The following SNAP25 variants were observed in gnomAD, a reference collection of about 807,000 sequenced individuals.
The protein encoded by SNAP25 is synaptosomal-associated protein 25.
In SNAP25, 3 loss-of-function variants were observed where a neutral mutation model predicts 28.7. That is an observed-to-expected ratio of 0.10 (90% confidence interval 0.05 to 0.27). The LOEUF (loss-of-function observed/expected upper bound fraction) is 0.27. SNAP25 is among the 10% of genes least tolerant of loss of function. The probability of loss-of-function intolerance (pLI) is 1.00; values close to 1 mark genes in which losing one functional copy is unlikely to be tolerated. For synonymous variants in SNAP25, 61 were observed against 88.1 expected (o/e 0.69, Z 1.72); for missense variants, 117 against 278.7 (o/e 0.42, Z 4.13).
At chr20:10,236,368 A>G (rs1394166035) in intron 1 of SNAP25, among the ~76,000 whole-genome samples, 3 of 152,242 alleles carry the variant, frequency 2.0e-5, no homozygotes, top group African/African-American at 4.8e-5. Context: ...ATTGAGGATA[A>G]GTAAACTTTT....
intron 1 of SNAP25, among the ~76,000 whole-genome samples, chr20:10,240,674 C>T (rs773923918): frequency 3.9e-4 from 60 of 152,164 alleles, no homozygotes; most frequent in Non-Finnish European, 6.8e-4. Flanking sequence ...GCCTTCCAAA[C>T]GAACATTTCT....
intron 1 of SNAP25, among the ~76,000 whole-genome samples, chr20:10,245,099 C>T (rs2063103904): frequency 6.6e-6 from 1 of 152,110 alleles, no homozygotes; most frequent in African/African-American, 2.4e-5. Context: ...GAAAAGAGAG[C>T]TGAGGTGTTT....
Position 10,231,021 on chromosome 20 carries a change from C to A in SNAP25, c.-64+12044C>A, listed in dbSNP as rs1176837630. Among the ~76,000 whole-genome samples, 2 of 152,096 alleles carry A rather than the reference C, an allele frequency of 1.3e-5. 1 individual carries two copies. Among genetic ancestry groups the A allele is most frequent in the Non-Finnish European group, 2.9e-5 (2 of 68,018 alleles). The stretch of plus-strand genomic sequence containing the variant: ...ATCTCATCAAATAATAGGACATCTC[C>A]TTTCCTCTTTCTGCAGTCCCAGCCC... On this transcript the variant is annotated intron_variant, in intron 1 of 7. Transcript: ENST00000254976.
At chr20:10,248,328 CA>C (rs2063165311) in intron 1 of SNAP25, among the ~76,000 whole-genome samples, 1 of 152,094 alleles carries the variant, frequency 6.6e-6, no homozygotes, top group African/African-American at 2.4e-5. Context: ...TCCTTCAATG[CA>C]AATTATTTTA....
At chr20:10,233,451 G>T (rs1180629131) in intron 1 of SNAP25, among the ~76,000 whole-genome samples, 1 of 152,194 alleles carries the variant, frequency 6.6e-6, no homozygotes, top group Non-Finnish European at 1.5e-5. Flanking sequence ...CTTGGACACA[G>T]TGAAGGAAGG....
intron 4 of SNAP25, among the ~76,000 whole-genome samples, chr20:10,288,236 ATTTTT>A (rs1157508898): frequency 6.6e-6 from 1 of 152,116 alleles, no homozygotes; most frequent in Non-Finnish European, 1.5e-5. Context: ...CACCTTATTT[ATTTTT>A]TAAGTTAATA....
intron 1 of SNAP25, among the ~76,000 whole-genome samples, chr20:10,237,431 A>G (rs1020078443): frequency 1.3e-5 from 2 of 152,210 alleles, no homozygotes; most frequent in African/African-American, 4.8e-5. Context: ...CACTAGCAGA[A>G]GAGGCCTTCA....
intron 4 of SNAP25, among the ~76,000 whole-genome samples, chr20:10,292,471 T>C (rs2064019472): frequency 6.6e-6 from 1 of 152,202 alleles, no homozygotes; most frequent in Non-Finnish European, 1.5e-5. Context: ...TTGAGGATGC[T>C]TAAAAACCAA....
At position 10,299,416 on chromosome 20, in the gene SNAP25, A is replaced by G. The variant is rs1163014064; in HGVS notation, c.552+4A>G. 1.2e-6 allele frequency: 2 copies of G among 1,611,372 alleles called. No individual in the cohort carries two copies. The highest frequency in any genetic ancestry group is 1.7e-6 in the Non-Finnish European group (2 of 1,178,034). ...GATCGACAGGATCATGGAGAAGGTG[A>G]GCACGTGGCAGTCAGCAAGTCCCTA... On this transcript the variant is annotated splice_donor_region_variant and intron_variant, in intron 7 of 7. Transcript: ENST00000254976.
chr20:10,275,543 G>A lies in SNAP25; in HGVS notation c.52G>A (p.Ala18Thr). The change falls in exon 2 of 8, where the codon GCT becomes ACT. Residue 18 changes from alanine (A) to threonine (T), a missense_variant. Transcript: ENST00000254976. Reference protein sequence around the residue: ...RNELEEMQRRADQLADESLES... With the variant: ...RNELEEMQRRTDQLADESLES... ...TGAGCTGGAGGAGATGCAGCGAAGG[G>A]CTGACCAGTTGGCTGATGAGGTAAG... 4 of 1,601,648 alleles carry A rather than the reference G, an allele frequency of 2.5e-6. No individual in the cohort carries two copies. The highest frequency in any genetic ancestry group is 3.4e-6 in the Non-Finnish European group (4 of 1,173,118).
intron 1 of SNAP25, among the ~76,000 whole-genome samples, chr20:10,266,873 T>C (rs1195167631): frequency 6.6e-6 from 1 of 152,156 alleles, no homozygotes; most frequent in Non-Finnish European, 1.5e-5. Context: ...CTAGGGAATT[T>C]AGAGAGTTTG....
At chr20:10,222,534 G>A (rs776123542) in intron 1 of SNAP25, among the ~76,000 whole-genome samples, 2 of 152,202 alleles carry the variant, frequency 1.3e-5, no homozygotes, top group Non-Finnish European at 2.9e-5. Context: ...AGCTTGGAGG[G>A]AATAGGCTGG....
At chr20:10,236,959 C>CATAA (rs3063167) in intron 1 of SNAP25, among the ~76,000 whole-genome samples, 96,509 of 146,110 alleles carry the variant, frequency 0.66, 33,094 homozygotes, top group Admixed American at 0.76. Flanking sequence ...AAGGAAAATA[C>CATAA]ATAAATAAAT....
intron 1 of SNAP25, among the ~76,000 whole-genome samples, chr20:10,228,946 C>G (rs1021637281): frequency 6.6e-6 from 1 of 152,092 alleles, no homozygotes; most frequent in African/African-American, 2.4e-5. Context: ...AATATGTCAA[C>G]AGCCTTTGAT....
At chr20:10,280,572 A>T (rs747398281) in intron 3 of SNAP25, among the ~76,000 whole-genome samples, 3 of 152,134 alleles carry the variant, frequency 2.0e-5, no homozygotes, top group Non-Finnish European at 2.9e-5. Flanking sequence ...CTGGTAAGAG[A>T]CTCATTAAGG....
chr20:10,296,000 C>A (rs368507126), intron 5 of SNAP25, among the ~76,000 whole-genome samples: 25 of 152,184 alleles, frequency 1.6e-4, no homozygotes, highest in African/African-American at 5.1e-4. Flanking sequence ...CTCAGCCCAA[C>A]AAAGAAGCTA....
rs114765236 is a variant in SNAP25, at chr20:10,262,327, T to G, written c.-63-13102T>G. ...TTAAGGTGAGCCCTAGATTGGGACTTAAAGATTCAGGCTCTGCGTGACTCT... is the reference window on the plus strand; with the variant it reads ...TTAAGGTGAGCCCTAGATTGGGACTGAAAGATTCAGGCTCTGCGTGACTCT... On this transcript the variant is annotated intron_variant, in intron 1 of 7. Coordinates refer to ENST00000254976, the MANE Select transcript of SNAP25 (RefSeq NM_130811.4). 3.9e-3 allele frequency among the ~76,000 whole-genome samples: 597 copies of G among 152,256 alleles called. 5 individuals carry two copies. The highest frequency in any genetic ancestry group is 0.014 in the African/African-American group (571 of 41,536).
chr20:10,277,946 C>T, intron 3 of SNAP25: 2 of 479,886 alleles, frequency 4.2e-6, no homozygotes, highest in Non-Finnish European at 7.4e-6. Flanking sequence ...CCTCTGTAGT[C>T]TGGTCTGGGA....
At chr20:10,279,948 C>T (rs2063751837) in intron 3 of SNAP25, among the ~76,000 whole-genome samples, 1 of 152,156 alleles carries the variant, frequency 6.6e-6, no homozygotes, top group Admixed American at 6.6e-5. Flanking sequence ...AGATGATATT[C>T]TGCTTTTCAA....
Sources: allele counts gnomAD v4.1 joint callset (sites outside exome capture counted in the v4.1 genomes callset), GRCh38; gene constraint gnomAD v4.1.1; transcripts MANE v1.5; gene names NCBI Gene and HGNC (gene_info 2026-07-23, HGNC 2026-07-21).